FNDC3B: variants seen among roughly 807,000 people sequenced by gnomAD.
The protein encoded by FNDC3B is fibronectin type III domain containing 3B.
In FNDC3B, 12 loss-of-function variants were observed where a neutral mutation model predicts 151.5. That is an observed-to-expected ratio of 0.08 (90% CI 0.05 to 0.13). The LOEUF is 0.13. Among genes scored for constraint, FNDC3B ranks in the 10% least tolerant of loss-of-function variants. FNDC3B has a pLI of 1.00. For missense variants in FNDC3B, 1,214 were observed against 1,505.3 expected (o/e 0.81, Z 3.20); for synonymous variants, 528 against 549.0 (o/e 0.96, Z 0.54).
chr3:172,121,644 T>A (rs969032136), intron 2 of FNDC3B, among the ~76,000 whole-genome samples: 12 of 152,224 alleles, frequency 7.9e-5, no homozygotes, highest in African/African-American at 2.7e-4. Context: ...AATTGAGTCT[T>A]TAAGTATTTA....
chr3:172,357,034 A>G (rs942014104), intron 22 of FNDC3B, among the ~76,000 whole-genome samples: 2 of 152,162 alleles, frequency 1.3e-5, no homozygotes, highest in African/African-American at 4.8e-5. Flanking sequence ...ATGTATATGT[A>G]TATATTTAAA....
intron 1 of FNDC3B, among the ~76,000 whole-genome samples, chr3:172,046,118 A>G (rs1294300800): frequency 2.0e-5 from 3 of 152,180 alleles, no homozygotes; most frequent in Admixed American, 2.0e-4. Flanking sequence ...ACCACCAAGT[A>G]TAAATCACAT....
intron 1 of FNDC3B, among the ~76,000 whole-genome samples, chr3:172,096,833 A>C (rs1373926163): frequency 6.6e-6 from 1 of 151,182 alleles, no homozygotes; most frequent in African/African-American, 2.4e-5. Flanking sequence ...ACGCATAGGA[A>C]TGTGGGAATA....
intron 1 of FNDC3B, among the ~76,000 whole-genome samples, chr3:172,043,533 T>G (rs992563856): frequency 2.0e-5 from 3 of 152,150 alleles, no homozygotes; most frequent in African/African-American, 7.2e-5. Flanking sequence ...TATTATTGTT[T>G]TTTTGTAGAG....
At chr3:172,078,109 T>C (rs1718105845) in intron 1 of FNDC3B, among the ~76,000 whole-genome samples, 1 of 152,186 alleles carries the variant, frequency 6.6e-6, no homozygotes, top group African/African-American at 2.4e-5. Flanking sequence ...GCCTCCCAAA[T>C]AGCTGGGATT....
At chr3:172,199,330 C>A (rs1725013700) in intron 3 of FNDC3B, among the ~76,000 whole-genome samples, 1 of 151,802 alleles carries the variant, frequency 6.6e-6, no homozygotes, top group Non-Finnish European at 1.5e-5. Context: ...CAGGCGCCCG[C>A]CACCTCGCCT....
chr3:172,080,877 G>A (rs1206726411), intron 1 of FNDC3B, among the ~76,000 whole-genome samples: 1 of 152,036 alleles, frequency 6.6e-6, no homozygotes, highest in Non-Finnish European at 1.5e-5. Flanking sequence ...TTCAAGTGTT[G>A]GACTCATTTT....
intron 3 of FNDC3B, among the ~76,000 whole-genome samples, chr3:172,196,224 G>A (rs1259434400): frequency 1.3e-5 from 2 of 152,212 alleles, no homozygotes; most frequent in East Asian, 3.9e-4. Context: ...GTCTTGCTCT[G>A]TTGCCCAGGC....
Position 172,144,710 on chromosome 3 carries a change from T to C in FNDC3B, c.187+11164T>C, listed in dbSNP as rs547795940. Among the ~76,000 whole-genome samples, 91 of 150,616 alleles carry C rather than the reference T, an allele frequency of 6.0e-4. 1 individual carries two copies. In the East Asian group the frequency reaches 0.018, roughly 29 times the overall value. On this transcript the variant is annotated intron_variant, in intron 3 of 25. Transcript: ENST00000415807. ...AAATATGGGTTTAAAAGGCAAACTT[T>C]TTTTTTTTTTAAGTGGGTATTTTTT...
intron 11 of FNDC3B, among the ~76,000 whole-genome samples, chr3:172,320,657 G>C (rs1732036690): frequency 6.6e-6 from 1 of 152,222 alleles, no homozygotes; most frequent in Admixed American, 6.5e-5. Context: ...CACTTCTAGT[G>C]TTGTTAGTGC....
At chr3:172,242,993 T>G (rs2108764423) in intron 4 of FNDC3B, among the ~76,000 whole-genome samples, 1 of 152,222 alleles carries the variant, frequency 6.6e-6, no homozygotes, top group Non-Finnish European at 1.5e-5. Context: ...CTCTTTCAAG[T>G]TCAAAGTCCC....
chr3:172,317,468 G>A (rs1731862986), intron 11 of FNDC3B, among the ~76,000 whole-genome samples: 1 of 152,122 alleles, frequency 6.6e-6, no homozygotes, highest in Non-Finnish European at 1.5e-5. Flanking sequence ...ACAGGCGTGA[G>A]CCACCACGCC....
intron 3 of FNDC3B, among the ~76,000 whole-genome samples, chr3:172,177,191 A>C (rs574324239): frequency 7.0e-6 from 1 of 143,264 alleles, no homozygotes; most frequent in East Asian, 2.0e-4. Context: ...AGCGGAAGAT[A>C]CAGAACCCTA....
chr3:172,383,335 A>T (rs1735551911), intron 25 of FNDC3B, among the ~76,000 whole-genome samples: 1 of 152,224 alleles, frequency 6.6e-6, no homozygotes, highest in Admixed American at 6.5e-5. Flanking sequence ...GATTTTGCTG[A>T]AGTTGCTTAT....
At chr3:172,307,615 C>T in intron 10 of FNDC3B, 114 bp downstream of exon 10, 1 of 1,028,804 alleles carries the variant, frequency 9.7e-7, no homozygotes, top group Non-Finnish European at 1.4e-6. Context: ...ATCACTTGAA[C>T]CCAGGAGTTT....
At chr3:172,387,868 C>A (rs1735800409) in intron 25 of FNDC3B, among the ~76,000 whole-genome samples, 1 of 152,216 alleles carries the variant, frequency 6.6e-6, no homozygotes, top group South Asian at 2.1e-4. Flanking sequence ...TGCCTCTCAT[C>A]TTTGGCTCAA....
intron 12 of FNDC3B, 87 bp downstream of exon 12, chr3:172,329,163 C>G (rs1285926112): frequency 1.4e-6 from 2 of 1,424,186 alleles, no homozygotes; most frequent in Non-Finnish European, 1.9e-6. Context: ...CATGAGGAAG[C>G]CTGCTGCCTC....
In FNDC3B at chr3:172,300,522, A is replaced by AT. The variant is rs528687315; in HGVS notation, c.1061+1740dup. ...ATTTGAGAACACTTGCTCATCAGCT[A>AT]TTTTTACCGACAAAACCTATGAACA... On this transcript the variant is annotated intron_variant, in intron 9 of 25. Transcript: ENST00000415807. Among the ~76,000 whole-genome samples, 499 of 152,010 alleles carry AT rather than the reference A, an allele frequency of 3.3e-3. 3 individuals carry two copies. The highest frequency in any genetic ancestry group is 5.3e-3 in the Non-Finnish European group (359 of 68,000).
At chr3:172,239,775 CAAAA>C (rs200097298) in intron 4 of FNDC3B, among the ~76,000 whole-genome samples, 1 of 70,182 alleles carries the variant, frequency 1.4e-5, no homozygotes, top group Non-Finnish European at 3.5e-5. Context: ...TTAGCTAAGA[CAAAA>C]AAAAAAAAAA....
Sources: allele counts gnomAD v4.1 joint callset (sites outside exome capture counted in the v4.1 genomes callset), GRCh38; gene constraint gnomAD v4.1.1; transcripts MANE v1.5; gene names NCBI Gene and HGNC (gene_info 2026-07-23, HGNC 2026-07-21).